ITPR2: variants seen among roughly 807,000 people sequenced by gnomAD.
ITPR2 encodes inositol 1,4,5-trisphosphate receptor type 2.
ITPR2 carries 207 observed loss-of-function variants against 317.1 expected under a neutral mutation model. The ratio of observed to expected loss-of-function variants is 0.65; its 90% CI spans 0.58 to 0.73. The LOEUF is 0.73. ITPR2 is among the 30% of genes least tolerant of loss of function. ITPR2 has a pLI of 0.00. For missense variants in ITPR2, 2,613 were observed against 3,284.0 expected, an observed-to-expected ratio of 0.80 and a Z score of 4.99; for synonymous variants, 1,156 against 1,149.1, an observed-to-expected ratio of 1.01 and a Z score of -0.12.
At chr12:26,463,404 C>A (rs903888732) in intron 45 of ITPR2, among the ~76,000 whole-genome samples, 25 of 152,164 alleles carry the variant, frequency 1.6e-4, no homozygotes, top group African/African-American at 5.8e-4. Flanking sequence ...CGGTGGCTCA[C>A]GCCTGTAATC....
chr12:26,495,165 A>T lies in ITPR2; in HGVS notation c.5169T>A (p.Thr1723=), dbSNP rs745600755. 3 of 1,578,828 alleles carry T rather than the reference A, an allele frequency of 1.9e-6. No homozygotes were observed. The African/African-American group carries it at 4.0e-5, about 21-fold the overall frequency. Residue 1723 remains threonine (T), a synonymous_variant, in exon 38 of 57, where the codon ACT becomes ACA. Coordinates refer to ENST00000381340, the MANE Select transcript of ITPR2 (RefSeq NM_002223.4). ...NGHLSGAYSK[T]AQVGGSFSGQ... ...GACAGGACTTACCTCCCACCTGTGC[A>T]GTTTTGGAGTAGGCTCCTGATAGGT...
At chr12:26,556,502 T>G in intron 35 of ITPR2, 127 bp from the exon 36 acceptor site, 1 of 862,192 alleles carries the variant, frequency 1.2e-6, no homozygotes, top group South Asian at 1.9e-5. Context: ...TAGCAGCAAA[T>G]GTCTGTGCCA....
At chr12:26,366,458 T>C (rs1939013972) in intron 55 of ITPR2, among the ~76,000 whole-genome samples, 1 of 152,230 alleles carries the variant, frequency 6.6e-6, no homozygotes, top group South Asian at 2.1e-4. Flanking sequence ...TGTGGTCCTA[T>C]TTCTCCTCTA....
intron 34 of ITPR2, among the ~76,000 whole-genome samples, chr12:26,578,419 C>T (rs192671578): frequency 6.6e-6 from 1 of 152,224 alleles, no homozygotes; most frequent in Admixed American, 6.5e-5. Context: ...AAGACAATTC[C>T]ATAATGAAAT....
chr12:26,556,556 ATTTTTT>A (rs11312773), intron 35 of ITPR2, among the ~76,000 whole-genome samples, 181 bp from the exon 36 acceptor site: 9 of 133,854 alleles, frequency 6.7e-5, no homozygotes, highest in South Asian at 2.4e-4. Flanking sequence ...CTGGGTCTCT[ATTTTTT>A]TTTTTGTGTG....
intron 45 of ITPR2, among the ~76,000 whole-genome samples, chr12:26,453,977 G>A (rs1281160177): frequency 6.6e-6 from 1 of 152,154 alleles, no homozygotes; most frequent in African/African-American, 2.4e-5. Flanking sequence ...GCACACAAGA[G>A]TTGCTTAATA....
chr12:26,700,363 AAAG>A (rs1216089812), intron 9 of ITPR2, among the ~76,000 whole-genome samples: 1 of 152,224 alleles, frequency 6.6e-6, no homozygotes, highest in Non-Finnish European at 1.5e-5. Flanking sequence ...AGACTTCTTT[AAAG>A]AAGACCCACC....
At chr12:26,669,543 T>A (rs1339221949) in intron 13 of ITPR2, among the ~76,000 whole-genome samples, 1 of 152,094 alleles carries the variant, frequency 6.6e-6, no homozygotes, top group Admixed American at 6.5e-5. Context: ...AAATAATCTA[T>A]AAAATTACCA....
intron 47 of ITPR2, 90 bp from the exon 48 acceptor site, chr12:26,436,436 G>T: frequency 3.4e-6 from 4 of 1,173,232 alleles, no homozygotes; most frequent in South Asian, 1.5e-5. Context: ...TTTACTAAAT[G>T]CATCATTTTT....
chr12:26,796,381 GA>G (rs1950443743), intron 1 of ITPR2, among the ~76,000 whole-genome samples: 1 of 152,060 alleles, frequency 6.6e-6, no homozygotes, highest in Non-Finnish European at 1.5e-5. Context: ...TTTGTAATCA[GA>G]AAAAAATTTA....
intron 34 of ITPR2, among the ~76,000 whole-genome samples, chr12:26,571,504 T>C (rs933180878): frequency 1.3e-5 from 2 of 152,252 alleles, no homozygotes; most frequent in African/African-American, 4.8e-5. Context: ...TATATATTTG[T>C]CTCATGTATA....
At chr12:26,382,751 T>C (rs947525784) in intron 55 of ITPR2, among the ~76,000 whole-genome samples, 1 of 152,180 alleles carries the variant, frequency 6.6e-6, no homozygotes, top group African/African-American at 2.4e-5. Context: ...GATCCTATTA[T>C]TGGATGGATA....
chr12:26,482,689 A>C (rs1281527247), intron 42 of ITPR2, among the ~76,000 whole-genome samples: 4 of 152,214 alleles, frequency 2.6e-5, no homozygotes, highest in African/African-American at 9.6e-5. Context: ...AAATACCCCC[A>C]TAACAAATTG....
intron 21 of ITPR2, among the ~76,000 whole-genome samples, chr12:26,637,223 G>C (rs1946882024): frequency 6.6e-6 from 1 of 152,024 alleles, no homozygotes; most frequent in South Asian, 2.1e-4. Context: ...TCTATACCAG[G>C]GACATCTCAG....
chr12:26,481,439 G>A (rs1942543362), intron 42 of ITPR2, among the ~76,000 whole-genome samples, 198 bp from the exon 43 acceptor site: 1 of 152,168 alleles, frequency 6.6e-6, no homozygotes, highest in Non-Finnish European at 1.5e-5. Context: ...GGTTTTGTAT[G>A]CAGAACACTG....
intron 1 of ITPR2, among the ~76,000 whole-genome samples, chr12:26,800,156 G>A (rs1950530023): frequency 6.6e-6 from 1 of 151,988 alleles, no homozygotes; most frequent in Non-Finnish European, 1.5e-5. Context: ...ACTCTCCAGT[G>A]GCTACACATA....
At chr12:26,560,001 G>C (rs777752437) in intron 35 of ITPR2, among the ~76,000 whole-genome samples, 1 of 152,146 alleles carries the variant, frequency 6.6e-6, no homozygotes, top group Non-Finnish European at 1.5e-5. Flanking sequence ...GAGTTAGAAT[G>C]CATGTCCCAG....
At chr12:26,690,644 A>C (rs1175573589) in intron 10 of ITPR2, among the ~76,000 whole-genome samples, 1 of 152,210 alleles carries the variant, frequency 6.6e-6, no homozygotes, top group Admixed American at 6.5e-5. Context: ...ACTTATAAGA[A>C]AAGATCAGAC....
chr12:26,781,989 CCTGT>C lies in ITPR2; in HGVS notation c.163+8164_163+8167del, dbSNP rs1291666809. On this transcript the variant is annotated intron_variant, in intron 2 of 56. Transcript: ENST00000381340. The stretch of plus-strand genomic sequence containing the variant: ...GAGTTAATACTACTTAATAAACTCC[CCTGT>C]ATATATATATATATATATATATATA... Among the ~76,000 whole-genome samples, 178 of 73,486 alleles carry C rather than the reference CCTGT, an allele frequency of 2.4e-3. 3 individuals are homozygous for C. The highest frequency in any genetic ancestry group is 9.5e-3 in the African/African-American group (163 of 17,190). 48.2% of individuals were successfully genotyped at this position (73,486 alleles called of 152,430 possible).
Sources: allele counts gnomAD v4.1 joint callset (sites outside exome capture counted in the v4.1 genomes callset), GRCh38; gene constraint gnomAD v4.1.1; transcripts MANE v1.5; gene names NCBI Gene and HGNC (gene_info 2026-07-23, HGNC 2026-07-21).